Variants in CTIF observed in about 807,000 individuals in gnomAD.
CTIF encodes the protein CBP80/20-dependent translation initiation factor.
In CTIF, 21 loss-of-function variants were observed where a neutral mutation model predicts 66.0. The observed-to-expected ratio is 0.32, with a 90% CI of 0.23 to 0.46. CTIF has a LOEUF of 0.46. Ranked by LOEUF, CTIF falls within the 20% of genes least tolerant of loss-of-function variation. The probability of loss-of-function intolerance (pLI) is 1.00; values close to 1 mark genes in which losing one functional copy is unlikely to be tolerated. For synonymous variants in CTIF, 345 were observed against 326.4 expected, an observed-to-expected ratio of 1.06 and a Z score of -0.62; for missense variants, 739 against 812.7, an observed-to-expected ratio of 0.91 and a Z score of 1.10.
At chr18:48,543,426 GCTTC>G (rs988622378) in intron 1 of CTIF, among the ~76,000 whole-genome samples, 11 of 152,278 alleles carry the variant, frequency 7.2e-5, no homozygotes, top group African/African-American at 2.6e-4. Flanking sequence ...GAGCTCAGCT[GCTTC>G]CTTTCAGGTT....
intron 7 of CTIF, among the ~76,000 whole-genome samples, chr18:48,713,339 C>T (rs564090267): frequency 4.4e-4 from 67 of 152,258 alleles, no homozygotes; most frequent in Admixed American, 7.8e-4. Flanking sequence ...CACCTCTCTG[C>T]GCCCAGGCAA....
intron 10 of CTIF, among the ~76,000 whole-genome samples, chr18:48,842,633 G>C (rs2068972412): frequency 6.6e-6 from 1 of 152,210 alleles, no homozygotes; most frequent in Non-Finnish European, 1.5e-5. Flanking sequence ...ACAGGGCCTT[G>C]TTCCAGCCCA....
intron 1 of CTIF, among the ~76,000 whole-genome samples, chr18:48,557,644 G>C (rs898525150): frequency 5.9e-5 from 9 of 152,330 alleles, no homozygotes; most frequent in Admixed American, 2.6e-4. Flanking sequence ...GTCCGTACAG[G>C]CTGCCATAAT....
At chr18:48,722,810 C>T (rs1341067023) in intron 7 of CTIF, among the ~76,000 whole-genome samples, 1 of 152,182 alleles carries the variant, frequency 6.6e-6, no homozygotes, top group Non-Finnish European at 1.5e-5. Flanking sequence ...CCATACCCAT[C>T]GGCGCTCATA....
At chr18:48,786,570 C>T (rs149802914) in intron 9 of CTIF, among the ~76,000 whole-genome samples, 24 of 152,304 alleles carry the variant, frequency 1.6e-4, no homozygotes, top group Admixed American at 6.5e-4. Flanking sequence ...ACATAGAAAA[C>T]AAGAAAATCC....
intron 5 of CTIF, 65 bp from the exon 6 acceptor site, chr18:48,670,604 G>C: frequency 6.9e-7 from 1 of 1,443,682 alleles, no homozygotes; most frequent in Non-Finnish European, 9.7e-7. Context: ...TCTCCTGCTG[G>C]CCGGATGGGA....
chr18:48,799,089 C>T (rs748876173), intron 9 of CTIF, among the ~76,000 whole-genome samples: 1 of 152,192 alleles, frequency 6.6e-6, no homozygotes, highest in Non-Finnish European at 1.5e-5. Flanking sequence ...CCAGCAGCCT[C>T]GGGTCACGCG....
intron 10 of CTIF, among the ~76,000 whole-genome samples, chr18:48,847,457 G>A (rs2069106695): frequency 6.6e-6 from 1 of 152,146 alleles, no homozygotes; most frequent in Non-Finnish European, 1.5e-5. Context: ...GTCTGTCTGG[G>A]TTGTGCAAGC....
At chr18:48,580,296 A>G (rs535772192) in intron 1 of CTIF, among the ~76,000 whole-genome samples, 56 of 152,294 alleles carry the variant, frequency 3.7e-4, no homozygotes, top group African/African-American at 1.1e-3. Context: ...AGGAGGGTCA[A>G]TGACACATCT....
chr18:48,609,282 T>A (rs2144266405), intron 1 of CTIF, among the ~76,000 whole-genome samples: 1 of 152,196 alleles, frequency 6.6e-6, no homozygotes, highest in East Asian at 1.9e-4. Context: ...CAGTCGTCAT[T>A]GATATCCAGA....
rs1360467904 is a variant in CTIF at position 48,730,570 on chromosome 18, CGGTGTGAGGGGCCCCTGT to C, written c.584+18888_584+18905del. On this transcript the variant is annotated intron_variant, in intron 7 of 11. Transcript: ENST00000256413. ...GCTTCTGCTGTGTGAGGGGCTTCTG[CGGTGTGAGGGGCCCCTGT>C]GGTGTGAGGGGCTTCTGCTGTGTGA... Among the ~76,000 whole-genome samples the C allele has an allele frequency of 1.3e-3, 40 of 30,994 alleles. 6 individuals carry two copies. Among genetic ancestry groups the C allele is most frequent in the Non-Finnish European group, 1.7e-3 (25 of 14,368 alleles). The allele number at this position is 30,994 out of a possible 152,430, so 20.3% of individuals were successfully genotyped here. A position where few individuals can be genotyped will look rare whatever the true frequency, so the allele number is the denominator to read the frequency against.
At chr18:48,568,633 TAAAAAAAAAAAAAAAA>T (rs58084631) in intron 1 of CTIF, among the ~76,000 whole-genome samples, 27 of 36,622 alleles carry the variant, frequency 7.4e-4, no homozygotes, top group East Asian at 3.4e-3. Flanking sequence ...GGGCAATTTG[TAAAAAAAAAAAAAAAA>T]AAAAAAAAAA....
At chr18:48,599,739 G>T (rs1185415110) in intron 1 of CTIF, among the ~76,000 whole-genome samples, 1 of 152,246 alleles carries the variant, frequency 6.6e-6, no homozygotes, top group African/African-American at 2.4e-5. Flanking sequence ...GTGCTCACAG[G>T]ATCCAGAGGA....
chr18:48,737,672 GA>G (rs1178959875), intron 7 of CTIF, among the ~76,000 whole-genome samples: 1 of 151,952 alleles, frequency 6.6e-6, no homozygotes, highest in East Asian at 1.9e-4. Flanking sequence ...GTTTCTCTCT[GA>G]AAAGACAGAT....
At chr18:48,791,919 G>C (rs1349060232) in intron 9 of CTIF, among the ~76,000 whole-genome samples, 1 of 152,042 alleles carries the variant, frequency 6.6e-6, no homozygotes, top group African/African-American at 2.4e-5. Flanking sequence ...AGGCAACTTT[G>C]TTCATTCAAC....
At chr18:48,790,606 C>T (rs1000454491) in intron 9 of CTIF, among the ~76,000 whole-genome samples, 3 of 152,192 alleles carry the variant, frequency 2.0e-5, no homozygotes, top group South Asian at 2.1e-4. Context: ...GGGAGCTGGA[C>T]GGGCGGCCTC....
intron 6 of CTIF, among the ~76,000 whole-genome samples, chr18:48,696,668 G>A (rs533713592): frequency 6.6e-6 from 1 of 152,260 alleles, no homozygotes; most frequent in Admixed American, 6.5e-5. Context: ...CATCTCCTTT[G>A]GTTTTCAGCA....
At chr18:48,618,803 G>A in intron 1 of CTIF, among the ~76,000 whole-genome samples, 1 of 152,218 alleles carries the variant, frequency 6.6e-6, no homozygotes. Flanking sequence ...GAGAGAGGGT[G>A]CGAGGGCTAA....
rs1016758182 is a variant in CTIF at position 48,859,814 on chromosome 18, C to A, written c.*255C>A. 4.6e-6 allele frequency: 3 copies of A among 649,384 alleles called. No homozygotes were observed. Among genetic ancestry groups the A allele is most frequent in the Non-Finnish European group, 8.6e-6 (3 of 350,816 alleles). The allele number at this position is 649,384 out of a possible 1,614,324, so 40.2% of individuals were successfully genotyped here. On this transcript the variant is annotated 3_prime_UTR_variant, in exon 12 of 12. Transcript: ENST00000256413. Reference sequence around the variant, plus strand: ...AAGCATGTTTCTTTTTCCTGGTGGCCCTGGCCCTCCCCTTCCTCACTCCCG... The same window carrying A: ...AAGCATGTTTCTTTTTCCTGGTGGCACTGGCCCTCCCCTTCCTCACTCCCG...
Sources: allele counts gnomAD v4.1 joint callset (sites outside exome capture counted in the v4.1 genomes callset), GRCh38; gene constraint gnomAD v4.1.1; transcripts MANE v1.5; gene names NCBI Gene and HGNC (gene_info 2026-07-23, HGNC 2026-07-21).